Variants in RCAN2 observed in about 807,000 individuals in gnomAD.
RCAN2 encodes the protein calcipressin-2.
A neutral mutation model predicts 23.6 loss-of-function variants in RCAN2; 9 were observed. The ratio of observed to expected loss-of-function variants is 0.38; its 90% CI spans 0.23 to 0.67. The LOEUF (loss-of-function observed/expected upper bound fraction) is 0.67, where lower values mean the gene tolerates loss of function less well. RCAN2 is among the 30% of genes least tolerant of loss of function. RCAN2 has a pLI of 0.51. For missense variants in RCAN2, 273 were observed against 302.3 expected, an observed-to-expected ratio of 0.90 and a Z score of 0.72; for synonymous variants, 109 against 115.7, an observed-to-expected ratio of 0.94 and a Z score of 0.37.
At chr6:46,346,939 G>C (rs554064866) in intron 2 of RCAN2, among the ~76,000 whole-genome samples, 1 of 152,058 alleles carries the variant, frequency 6.6e-6, no homozygotes, top group East Asian at 1.9e-4. Flanking sequence ...GCAGTGGCGT[G>C]ATCTCCGCTC....
intron 2 of RCAN2, among the ~76,000 whole-genome samples, chr6:46,395,977 C>A (rs972554665): frequency 6.6e-6 from 1 of 152,132 alleles, no homozygotes; most frequent in Non-Finnish European, 1.5e-5. Context: ...CAACCCTGCA[C>A]GTCACACATT....
intron 2 of RCAN2, among the ~76,000 whole-genome samples, chr6:46,262,286 A>C (rs1204098972): frequency 6.6e-6 from 1 of 151,748 alleles, no homozygotes; most frequent in Admixed American, 6.6e-5. Flanking sequence ...TCCACATCCC[A>C]CTACTCAACA....
At chr6:46,485,198 A>G (rs1372184637) in intron 1 of RCAN2, among the ~76,000 whole-genome samples, 1 of 152,236 alleles carries the variant, frequency 6.6e-6, no homozygotes, top group Non-Finnish European at 1.5e-5. Flanking sequence ...TGAATGTTCA[A>G]CAATAGAGGA....
At chr6:46,319,122 A>G (rs1027740023) in intron 2 of RCAN2, among the ~76,000 whole-genome samples, 2 of 152,192 alleles carry the variant, frequency 1.3e-5, no homozygotes, top group African/African-American at 4.8e-5. Flanking sequence ...TATGAGTTGG[A>G]TAGTTTATGA....
chr6:46,332,111 T>C (rs952345089), intron 2 of RCAN2, among the ~76,000 whole-genome samples: 5 of 152,216 alleles, frequency 3.3e-5, no homozygotes, highest in Non-Finnish European at 7.3e-5. Flanking sequence ...GTTAGGTTCA[T>C]CTGTTTTTGA....
intron 4 of RCAN2, among the ~76,000 whole-genome samples, chr6:46,235,434 C>T (rs1301445070): frequency 6.6e-6 from 1 of 152,208 alleles, no homozygotes; most frequent in Non-Finnish European, 1.5e-5. Flanking sequence ...GACATTCTTT[C>T]TCTTGCTCAT....
At chr6:46,267,385 A>G (rs1218087617) in intron 2 of RCAN2, among the ~76,000 whole-genome samples, 26 of 152,178 alleles carry the variant, frequency 1.7e-4, no homozygotes, top group Non-Finnish European at 2.9e-5. Context: ...TTATCAGAAA[A>G]AAAGAATTAA....
intron 2 of RCAN2, among the ~76,000 whole-genome samples, chr6:46,303,714 C>A (rs1762982222): frequency 6.6e-6 from 1 of 152,066 alleles, no homozygotes; most frequent in Non-Finnish European, 1.5e-5. Flanking sequence ...TTAGTTTTGC[C>A]TGTTCCTAAA....
intron 2 of RCAN2, among the ~76,000 whole-genome samples, chr6:46,427,864 G>C (rs540406975): frequency 9.6e-4 from 147 of 152,348 alleles, no homozygotes; most frequent in South Asian, 2.1e-3. Context: ...CCCTTGATGA[G>C]AGCCTTGATT....
At chr6:46,356,272 C>T (rs1457052241) in intron 2 of RCAN2, among the ~76,000 whole-genome samples, 1 of 152,138 alleles carries the variant, frequency 6.6e-6, no homozygotes, top group African/African-American at 2.4e-5. Context: ...ATTCGAATTC[C>T]TTCTCTGATA....
At chr6:46,245,584 C>T (rs77054353) in intron 4 of RCAN2, among the ~76,000 whole-genome samples, 349 of 152,164 alleles carry the variant, frequency 2.3e-3, no homozygotes, top group Non-Finnish European at 3.8e-3. Flanking sequence ...CTGGGGTGGG[C>T]GACTCTGGGC....
chr6:46,389,964 C>A (rs1765882983), intron 2 of RCAN2, among the ~76,000 whole-genome samples: 1 of 146,498 alleles, frequency 6.8e-6, no homozygotes. Context: ...GATCCTTTAC[C>A]AAATGAAATG....
chr6:46,385,551 G>A (rs1446976564), intron 2 of RCAN2, among the ~76,000 whole-genome samples: 7 of 152,064 alleles, frequency 4.6e-5, no homozygotes, highest in Non-Finnish European at 7.4e-5. Context: ...ATTAACTCAA[G>A]ATGGATTAAA....
intron 4 of RCAN2, among the ~76,000 whole-genome samples, chr6:46,227,825 T>G (rs532943119): frequency 5.2e-4 from 79 of 152,342 alleles, no homozygotes; most frequent in African/African-American, 1.9e-3. Context: ...AGCTTTTGAA[T>G]GTGTTTGCTC....
rs749804124 is a variant in RCAN2 at position 46,223,255 on chromosome 6, G to C, written c.618C>G (p.Val206=). The C allele has an allele frequency of 1.2e-6, 2 of 1,613,716 alleles. No individual in the cohort carries two copies. Among genetic ancestry groups the C allele is most frequent in the East Asian group, 2.2e-5 (1 of 44,882 alleles). The part of the protein sequence containing the change: ...LHAGTESTPS[V]VVHVCDSDIE... ...TGTCACTGTCGCACACGTGCACGACGACACTTGGGGTGGACTCAGTCCCTG... is the reference window on the plus strand; with the variant it reads ...TGTCACTGTCGCACACGTGCACGACCACACTTGGGGTGGACTCAGTCCCTG... The change falls in exon 5 of 5, where the codon GTC becomes GTG. Residue 206 remains valine (V), a synonymous_variant. Transcript: ENST00000371374.
At chr6:46,485,928 C>T (rs900305849) in intron 1 of RCAN2, among the ~76,000 whole-genome samples, 2 of 152,164 alleles carry the variant, frequency 1.3e-5, no homozygotes, top group Admixed American at 6.5e-5. Flanking sequence ...CAAGGAAATA[C>T]AACATTCTTA....
At chr6:46,422,412 C>A (rs1375295951) in intron 2 of RCAN2, among the ~76,000 whole-genome samples, 5 of 152,130 alleles carry the variant, frequency 3.3e-5, no homozygotes, top group Non-Finnish European at 7.3e-5. Flanking sequence ...AATTATCCAA[C>A]CTCAGGTATT....
chr6:46,224,198 G>C (rs960849930), intron 4 of RCAN2, among the ~76,000 whole-genome samples: 1 of 152,118 alleles, frequency 6.6e-6, no homozygotes. Flanking sequence ...GACTCCAGGT[G>C]GTGGGGTAAG....
At chr6:46,487,568 A>G (rs1161189255) in intron 1 of RCAN2, among the ~76,000 whole-genome samples, 1 of 152,204 alleles carries the variant, frequency 6.6e-6, no homozygotes, top group East Asian at 1.9e-4. Context: ...TTCAATCCTC[A>G]CAATAATCTC....
Sources: gnomAD v4.1 joint callset for allele counts (sites outside exome capture counted in the v4.1 genomes callset) on GRCh38, gnomAD v4.1.1 for gene constraint, MANE v1.5 for transcripts, NCBI Gene and HGNC (gene_info 2026-07-23, HGNC 2026-07-21) for gene names.